The following ATP6V1B2 variants were observed in gnomAD, a reference collection of about 807,000 sequenced individuals.
ATP6V1B2 encodes V-type proton ATPase subunit B, brain isoform.
Under a neutral mutation model 66.7 loss-of-function variants are expected in ATP6V1B2, and 23 were observed. That is an observed-to-expected ratio of 0.34 (90% confidence interval 0.25 to 0.49). The LOEUF is 0.49. Among genes scored for constraint, ATP6V1B2 ranks in the 20% least tolerant of loss-of-function variants. ATP6V1B2 has a pLI of 0.99. For synonymous variants in ATP6V1B2, 278 were observed against 236.7 expected (o/e 1.17, Z -1.60); for missense variants, 478 against 650.8 (o/e 0.73, Z 2.89).
At chr8:20,202,893 C>A (rs2072701401) in intron 1 of ATP6V1B2, among the ~76,000 whole-genome samples, 1 of 152,146 alleles carries the variant, frequency 6.6e-6, no homozygotes, top group Non-Finnish European at 1.5e-5. Flanking sequence ...TTTCTGAAAA[C>A]TGGTTTCAAG....
chr8:20,217,078 CAGT>C lies in ATP6V1B2; in HGVS notation c.1162-139_1162-137del, dbSNP rs1339703368. ...ACTACCTTTTCTTGCCAGGAAGAGA[CAGT>C]AGGATTCATCTAGGAGACAAATGCA... On this transcript the variant is annotated intron_variant, in intron 11 of 13. Transcript: ENST00000276390. 26 of 667,196 alleles carry C rather than the reference CAGT, an allele frequency of 3.9e-5. No homozygotes were observed. The African/African-American group carries it at 4.7e-4, about 12-fold the overall frequency. The allele number at this position is 667,196 out of a possible 1,614,324, so 41.3% of individuals were successfully genotyped here.
At chr8:20,200,608 A>T (rs1174940219) in intron 1 of ATP6V1B2, among the ~76,000 whole-genome samples, 2 of 152,252 alleles carry the variant, frequency 1.3e-5, no homozygotes, top group African/African-American at 4.8e-5. Flanking sequence ...TTCTGAAGTC[A>T]CAAGGAATGA....
Position 20,214,893 on chromosome 8 carries a change from T to C in ATP6V1B2, c.1003T>C (p.Tyr335His). ...GYMYTDLATI[Y>H]ERAGRVEGRN... ...CATGTATACAGATTTAGCCACGATA[T>C]ATGAACGCGCTGGGCGAGTGGAAGG... is the stretch of plus-strand genomic sequence containing the variant. The change falls in exon 10 of 14, where the codon TAT becomes CAT. Residue 335 changes from tyrosine (Y) to histidine (H), a missense_variant. Coordinates refer to ENST00000276390, the MANE Select transcript of ATP6V1B2 (RefSeq NM_001693.4). The C allele has an allele frequency of 6.2e-7, 1 of 1,613,638 alleles. No individual in the cohort carries two copies. Among genetic ancestry groups the C allele is most frequent in the Non-Finnish European group, 8.5e-7 (1 of 1,179,720 alleles).
intron 1 of ATP6V1B2, among the ~76,000 whole-genome samples, chr8:20,202,176 A>T (rs2072694687): frequency 1.3e-5 from 2 of 152,204 alleles, no homozygotes; most frequent in Non-Finnish European, 2.9e-5. Flanking sequence ...TTTGGGTGGT[A>T]TCGCTTCATA....
intron 1 of ATP6V1B2, chr8:20,204,040 C>G (rs1268998309): frequency 2.2e-6 from 1 of 454,380 alleles, no homozygotes; most frequent in Non-Finnish European, 4.4e-6. Context: ...ATCTACTTAG[C>G]TAAATGCTGC....
At chr8:20,203,891 T>TC (rs2072711720) in intron 1 of ATP6V1B2, 2 of 436,880 alleles carry the variant, frequency 4.6e-6, no homozygotes, top group Non-Finnish European at 9.1e-6. Context: ...CATTGCCTAC[T>TC]CCGTCCTTCA....
intron 3 of ATP6V1B2, 134 bp downstream of exon 3, chr8:20,209,665 GAA>G (rs1438264026): frequency 2.2e-5 from 18 of 812,788 alleles, no homozygotes; most frequent in Non-Finnish European, 3.3e-5. Context: ...TGCAGGGAAA[GAA>G]ACTATTATTG....
intron 4 of ATP6V1B2, 48 bp downstream of exon 4, chr8:20,210,487 C>A: frequency 6.2e-7 from 1 of 1,605,762 alleles, no homozygotes; most frequent in Non-Finnish European, 8.5e-7. Flanking sequence ...TCCTTTTAAA[C>A]ATATTTCCAT....
chr8:20,218,886 C>A (rs1235193858), intron 13 of ATP6V1B2, among the ~76,000 whole-genome samples: 1 of 152,088 alleles, frequency 6.6e-6, no homozygotes, highest in Non-Finnish European at 1.5e-5. Flanking sequence ...GTACTCAGAA[C>A]CAAAGTTTTT....
chr8:20,211,533 A>G (rs1373716963), intron 6 of ATP6V1B2, 119 bp from the exon 7 acceptor site: 11 of 1,271,234 alleles, frequency 8.7e-6, no homozygotes, highest in African/African-American at 3.0e-5. Flanking sequence ...TTGAATGAAT[A>G]CCCTAAAACA....
intron 5 of ATP6V1B2, 100 bp from the exon 6 acceptor site, chr8:20,211,077 T>C (rs1585250891): frequency 6.8e-7 from 1 of 1,464,318 alleles, no homozygotes; most frequent in Non-Finnish European, 9.2e-7. Flanking sequence ...GTTCTGGTCT[T>C]CTGGTGCTTT....
intron 2 of ATP6V1B2, among the ~76,000 whole-genome samples, chr8:20,204,767 A>G (rs947294604): frequency 2.0e-5 from 3 of 152,108 alleles, no homozygotes; most frequent in Non-Finnish European, 2.9e-5. Flanking sequence ...AATTTCCATA[A>G]TATGTTTTCT....
chr8:20,204,625 G>T (rs2072719652), intron 2 of ATP6V1B2, 86 bp downstream of exon 2: 2 of 1,220,978 alleles, frequency 1.6e-6, no homozygotes, highest in Admixed American at 2.0e-5. Context: ...TTTTTGTTAT[G>T]ATTTTTAAGC....
intron 1 of ATP6V1B2, among the ~76,000 whole-genome samples, chr8:20,198,611 C>T (rs747073531): frequency 3.3e-5 from 5 of 152,110 alleles, no homozygotes; most frequent in Non-Finnish European, 7.4e-5. Context: ...GGTGGTGAGA[C>T]TGCATTTTCA....
intron 13 of ATP6V1B2, 81 bp from the exon 14 acceptor site, chr8:20,220,182 A>T: frequency 6.8e-7 from 1 of 1,464,562 alleles, no homozygotes; most frequent in Non-Finnish European, 9.2e-7. Flanking sequence ...ATACACTGCT[A>T]GTCATATAAC....
chr8:20,199,966 C>T (rs114761227), intron 1 of ATP6V1B2, among the ~76,000 whole-genome samples: 1,949 of 149,886 alleles, frequency 0.013, 48 homozygotes, highest in African/African-American at 0.046. Flanking sequence ...TTGATGTTAT[C>T]ATTTAAGGGG....
At chr8:20,217,738 A>G (rs2072869784) in intron 12 of ATP6V1B2, among the ~76,000 whole-genome samples, 1 of 152,224 alleles carries the variant, frequency 6.6e-6, no homozygotes, top group African/African-American at 2.4e-5. Context: ...TTATACTCAT[A>G]TAAGATTGTA....
intron 13 of ATP6V1B2, among the ~76,000 whole-genome samples, chr8:20,219,036 T>C (rs947996040): frequency 6.6e-6 from 1 of 152,266 alleles, no homozygotes; most frequent in Non-Finnish European, 1.5e-5. Flanking sequence ...AATTATTTAC[T>C]AATTTGTGTT....
chr8:20,198,308 G>C (rs898464039), intron 1 of ATP6V1B2, among the ~76,000 whole-genome samples: 1 of 152,188 alleles, frequency 6.6e-6, no homozygotes, highest in African/African-American at 2.4e-5. Flanking sequence ...TTCATTTACT[G>C]ACCAGTTAAC....
Sources: gnomAD v4.1 joint callset for allele counts (sites outside exome capture counted in the v4.1 genomes callset) on GRCh38, gnomAD v4.1.1 for gene constraint, MANE v1.5 for transcripts, NCBI Gene and HGNC (gene_info 2026-07-23, HGNC 2026-07-21) for gene names.